MAPRE2: variants seen among roughly 807,000 people sequenced by gnomAD.
MAPRE2 encodes the protein microtubule associated protein RP/EB family member 2.
A neutral mutation model predicts 43.2 loss-of-function variants in MAPRE2; 13 were observed. That is an observed-to-expected ratio of 0.30 (90% CI 0.20 to 0.48). The LOEUF is 0.48. Ranked by LOEUF, MAPRE2 falls within the 20% of genes least tolerant of loss-of-function variation. The probability of loss-of-function intolerance (pLI) is 0.99; values close to 1 mark genes in which losing one functional copy is unlikely to be tolerated. For missense variants in MAPRE2, 161 were observed against 400.2 expected, an observed-to-expected ratio of 0.40 and a Z score of 5.10; for synonymous variants, 135 against 148.8, an observed-to-expected ratio of 0.91 and a Z score of 0.68.
chr18:35,037,170 T>TC (rs1294328770), upstream of MAPRE2, among the ~76,000 whole-genome samples: 5 of 151,954 alleles, frequency 3.3e-5, no homozygotes, highest in Non-Finnish European at 5.9e-5. Context: ...GAGGCTTTTT[T>TC]TTTTTTACCA....
chr18:35,043,421 T>A (rs1905463534), intron 1 of MAPRE2, among the ~76,000 whole-genome samples: 1 of 152,226 alleles, frequency 6.6e-6, no homozygotes, highest in Non-Finnish European at 1.5e-5. Flanking sequence ...ATTACTCATG[T>A]AAACTAACTT....
At chr18:35,135,024 G>A (rs1910326850) in intron 6 of MAPRE2, among the ~76,000 whole-genome samples, 1 of 152,200 alleles carries the variant, frequency 6.6e-6, no homozygotes, top group Non-Finnish European at 1.5e-5. Flanking sequence ...GTTGAATCTG[G>A]CAGAGAAAAC....
chr18:34,985,317 T>TATATATTATATG (rs2097019418), intron 1 of MAPRE2, among the ~76,000 whole-genome samples: 5 of 43,374 alleles, frequency 1.2e-4, no homozygotes, highest in Non-Finnish European at 1.9e-4. Context: ...TATATTATAT[T>TATATATTATATG]ATATATATAA....
intron 1 of MAPRE2, chr18:34,978,676 C>T (rs1023471061): frequency 5.1e-5 from 41 of 802,236 alleles, no homozygotes; most frequent in Non-Finnish European, 5.6e-5. Context: ...CCTTACTTTG[C>T]TTTCGTTCTT....
intron 2 of MAPRE2, among the ~76,000 whole-genome samples, chr18:35,006,446 A>C (rs2097031910): frequency 6.6e-6 from 1 of 152,256 alleles, no homozygotes; most frequent in Non-Finnish European, 1.5e-5. Flanking sequence ...TCTAAACAGT[A>C]ATGGTGACTA....
chr18:35,027,705 A>C (rs2097045974), intron 2 of MAPRE2, among the ~76,000 whole-genome samples: 1 of 152,236 alleles, frequency 6.6e-6, no homozygotes, highest in Non-Finnish European at 1.5e-5. Context: ...CTGTTAATGC[A>C]TAACAGCCTA....
chr18:35,125,241 T>G (rs749504169), intron 4 of MAPRE2, among the ~76,000 whole-genome samples: 2 of 152,200 alleles, frequency 1.3e-5, no homozygotes, highest in African/African-American at 2.4e-5. Context: ...AATTTTATGG[T>G]CTTTCTGTTT....
chr18:35,124,934 C>G (rs552647984), intron 4 of MAPRE2, among the ~76,000 whole-genome samples: 58 of 152,242 alleles, frequency 3.8e-4, no homozygotes, highest in Non-Finnish European at 7.5e-4. Flanking sequence ...TGGGCTTCAA[C>G]AGAGCTGAAG....
At chr18:35,100,525 G>A (rs1383265581) in intron 3 of MAPRE2, among the ~76,000 whole-genome samples, 2 of 152,134 alleles carry the variant, frequency 1.3e-5, no homozygotes, top group Admixed American at 6.6e-5. Context: ...AATGTTCATT[G>A]CAGCACTATT....
At chr18:35,074,145 G>A (rs1178393625) in intron 2 of MAPRE2, among the ~76,000 whole-genome samples, 1 of 152,202 alleles carries the variant, frequency 6.6e-6, no homozygotes, top group Non-Finnish European at 1.5e-5. Context: ...TGCTCACCTA[G>A]ATCTATTTTG....
intron 2 of MAPRE2, among the ~76,000 whole-genome samples, chr18:35,019,647 G>A (rs564629950): frequency 1.3e-5 from 2 of 152,076 alleles, no homozygotes; most frequent in South Asian, 4.1e-4. Flanking sequence ...GTTTTAATGT[G>A]TGTCAAATAG....
intron 1 of MAPRE2, among the ~76,000 whole-genome samples, chr18:35,066,021 A>G (rs535573827): frequency 6.6e-6 from 1 of 152,364 alleles, no homozygotes; most frequent in East Asian, 1.9e-4. Flanking sequence ...TGTTGTTTCC[A>G]TGTAAAAGAC....
intron 4 of MAPRE2, among the ~76,000 whole-genome samples, chr18:35,124,442 C>T (rs771775840): frequency 1.2e-4 from 18 of 152,158 alleles, no homozygotes; most frequent in South Asian, 2.1e-4. Context: ...AGCCAAACCA[C>T]GTCACATGGG....
Position 35,097,437 on chromosome 18 carries a change from T to G in MAPRE2, c.251-9T>G, listed in dbSNP as rs1004994576. 2 of 1,613,132 alleles carry G rather than the reference T, an allele frequency of 1.2e-6. No individual in the cohort carries two copies. The highest frequency in any genetic ancestry group is 2.7e-5 in the African/African-American group (2 of 74,904). ...GACTCACTCCAGTACTGTTCTTGTTTCTTTCCAGGAGCGGCCTATTGCCAA... is the reference window on the plus strand; with the variant it reads ...GACTCACTCCAGTACTGTTCTTGTTGCTTTCCAGGAGCGGCCTATTGCCAA... On this transcript the variant is annotated splice_polypyrimidine_tract_variant and intron_variant, in intron 2 of 6. Transcript: ENST00000300249.
chr18:35,127,139 G>T, intron 5 of MAPRE2, 52 bp downstream of exon 5: 1 of 1,604,620 alleles, frequency 6.2e-7, no homozygotes. Flanking sequence ...TGTGTAAGAG[G>T]TAGGGGGCCT....
intron 6 of MAPRE2, among the ~76,000 whole-genome samples, chr18:35,132,665 C>T (rs1910210210): frequency 6.6e-6 from 1 of 152,194 alleles, no homozygotes; most frequent in Non-Finnish European, 1.5e-5. Flanking sequence ...AGCTGTGGGA[C>T]AGCCACATGC....
upstream of MAPRE2, among the ~76,000 whole-genome samples, chr18:35,036,842 G>A (rs1162278119): frequency 2.0e-5 from 3 of 152,156 alleles, no homozygotes; most frequent in Non-Finnish European, 4.4e-5. Flanking sequence ...TATCTGCCAG[G>A]TCCTGTTCTA....
intron 2 of MAPRE2, among the ~76,000 whole-genome samples, chr18:35,091,630 A>G (rs1603400112): frequency 6.6e-6 from 1 of 152,086 alleles, no homozygotes; most frequent in African/African-American, 2.4e-5. Context: ...AAAAAGAACA[A>G]TGCTGGAGGG....
At chr18:35,117,800 A>G (rs539916769) in intron 4 of MAPRE2, among the ~76,000 whole-genome samples, 1 of 152,336 alleles carries the variant, frequency 6.6e-6, no homozygotes, top group South Asian at 2.1e-4. Flanking sequence ...AATGTGTTTT[A>G]AAGGACACTT....
Sources: allele counts gnomAD v4.1 joint callset (sites outside exome capture counted in the v4.1 genomes callset), GRCh38; gene constraint gnomAD v4.1.1; transcripts MANE v1.5; gene names NCBI Gene and HGNC (gene_info 2026-07-23, HGNC 2026-07-21).